The following LGR5 variants were observed in gnomAD, a reference collection of about 807,000 sequenced individuals.
LGR5 encodes the protein leucine rich repeat containing G protein-coupled receptor 5.
Under a neutral mutation model 76.7 loss-of-function variants are expected in LGR5, and 54 were observed. That is an observed-to-expected ratio of 0.70 (90% CI 0.57 to 0.88). LGR5 has a LOEUF of 0.88. Among genes scored for constraint, LGR5 ranks in the 40% least tolerant of loss-of-function variants. The pLI, the probability that LGR5 is intolerant of heterozygous loss-of-function variation, is 0.00. For synonymous variants in LGR5, 406 were observed against 421.9 expected (o/e 0.96, Z 0.46); for missense variants, 1,078 against 1,073.3 (o/e 1.00, Z -0.06).
Position 71,440,104 on chromosome 12 carries a change from G to C in LGR5, c.24G>C (p.Val8=). The part of the protein sequence containing the change: MDTSRLG[V]LLSLPVLLQL... Reference sequence around the variant, plus strand: ...CCATGGACACCTCCCGGCTCGGTGTGCTCCTGTCCTTGCCTGTGCTGCTGC... The same window carrying C: ...CCATGGACACCTCCCGGCTCGGTGTCCTCCTGTCCTTGCCTGTGCTGCTGC... The change falls in exon 1 of 18, where the codon GTG becomes GTC. Residue 8 remains valine (V), a synonymous_variant. Transcript: ENST00000266674. This position sits in a 1 kb window ranked among gnomAD's most constrained non-coding sequence, Gnocchi z 5.3. 1 of 1,605,464 alleles carries C rather than the reference G, an allele frequency of 6.2e-7. No individual in the cohort carries two copies. Among genetic ancestry groups the C allele is most frequent in the Non-Finnish European group, 8.5e-7 (1 of 1,179,892 alleles).
At chr12:71,543,952 A>T (rs1224285299) in intron 4 of LGR5, among the ~76,000 whole-genome samples, 2 of 152,236 alleles carry the variant, frequency 1.3e-5, no homozygotes, top group African/African-American at 2.4e-5. Flanking sequence ...TTTTCTATGA[A>T]GAAAAATAAA....
intron 4 of LGR5, among the ~76,000 whole-genome samples, chr12:71,536,030 T>G (rs1876567740): frequency 6.6e-6 from 1 of 152,218 alleles, no homozygotes; most frequent in Non-Finnish European, 1.5e-5. Context: ...CCCATTAGAA[T>G]GTATAAGTGT....
At chr12:71,515,967 G>T (rs1457702700) in intron 2 of LGR5, among the ~76,000 whole-genome samples, 8 of 152,142 alleles carry the variant, frequency 5.3e-5, no homozygotes, top group Admixed American at 4.6e-4. Context: ...AAACCTTTTG[G>T]AGCTTTGGTG....
chr12:71,484,639 T>C (rs992239048), intron 1 of LGR5, among the ~76,000 whole-genome samples: 2 of 150,558 alleles, frequency 1.3e-5, no homozygotes, highest in Admixed American at 6.6e-5. Context: ...TTTGCTGTCA[T>C]TATTGTTTTC....
At chr12:71,466,723 A>G (rs972238213) in intron 1 of LGR5, among the ~76,000 whole-genome samples, 2 of 152,060 alleles carry the variant, frequency 1.3e-5, no homozygotes, top group South Asian at 2.1e-4. Flanking sequence ...ATTATAAAGA[A>G]TTGAAAACTT....
At chr12:71,485,587 AG>A (rs995317284) in intron 1 of LGR5, among the ~76,000 whole-genome samples, 7 of 151,942 alleles carry the variant, frequency 4.6e-5, no homozygotes, top group African/African-American at 1.7e-4. Context: ...AAAATTAGCC[AG>A]GTGTGGTGGC....
rs35925617 is a variant in LGR5 at position 71,554,081 on chromosome 12, C to CA, written c.644+802dup. Among the ~76,000 whole-genome samples the CA allele has an allele frequency of 8.0e-5, 12 of 149,280 alleles. No individual in the cohort carries two copies. The South Asian group carries it at 1.1e-3, about 13-fold the overall frequency. ...TGGGGAAGAGAGTGAGACTCTGTCT[C>CA]AAAAAAAAAGAAAAAATAGTTTAGC... On this transcript the variant is annotated intron_variant, in intron 5 of 17. Coordinates refer to ENST00000266674, the MANE Select transcript of LGR5 (RefSeq NM_003667.4).
chr12:71,574,847 G>T (rs182993993), intron 13 of LGR5, among the ~76,000 whole-genome samples: 12 of 152,186 alleles, frequency 7.9e-5, no homozygotes, highest in Admixed American at 7.9e-4. Flanking sequence ...ACTCAGATGC[G>T]CTTTGCACAT....
chr12:71,522,857 C>T (rs1412287628), intron 2 of LGR5, among the ~76,000 whole-genome samples: 1 of 152,126 alleles, frequency 6.6e-6, no homozygotes, highest in Admixed American at 6.5e-5. Flanking sequence ...CTTAACATTT[C>T]TTGTAATCAG....
intron 2 of LGR5, among the ~76,000 whole-genome samples, chr12:71,507,866 A>G (rs937386285): frequency 6.6e-6 from 1 of 152,040 alleles, no homozygotes; most frequent in Admixed American, 6.6e-5. Context: ...GTTAAATAGG[A>G]AACTGCCACT....
intron 1 of LGR5, among the ~76,000 whole-genome samples, chr12:71,491,686 C>T (rs751802015): frequency 4.0e-5 from 6 of 150,848 alleles, no homozygotes; most frequent in Non-Finnish European, 5.9e-5. Flanking sequence ...ACCCCTGTGG[C>T]ATTACAGTCC....
chr12:71,439,977 G>T lies in LGR5; in HGVS notation c.-104G>T. 1 of 1,047,768 alleles carries T rather than the reference G, an allele frequency of 9.5e-7. No individual in the cohort carries two copies. The highest frequency in any genetic ancestry group is 2.7e-5 in the East Asian group (1 of 37,506). 64.9% of individuals were successfully genotyped at this position (1,047,768 alleles called of 1,614,324 possible). A position where few individuals can be genotyped will look rare whatever the true frequency, so the allele number is the denominator to read the frequency against. ...GCGTCTGGCGCTGCAGACGCCCGCT[G>T]AGTTGCAGAAGCCCACGGAGCGGCG... On this transcript the variant is annotated 5_prime_UTR_variant, in exon 1 of 18. Transcript: ENST00000266674.
intron 1 of LGR5, among the ~76,000 whole-genome samples, chr12:71,460,933 T>C (rs1399994257): frequency 6.6e-6 from 1 of 152,198 alleles, no homozygotes; most frequent in Admixed American, 6.5e-5. Flanking sequence ...GCTGTTATCT[T>C]GAAACTCAAT....
chr12:71,546,352 A>G (rs559808734), intron 4 of LGR5, among the ~76,000 whole-genome samples: 7 of 151,670 alleles, frequency 4.6e-5, no homozygotes, highest in African/African-American at 1.7e-4. Flanking sequence ...TTTGCCTGTT[A>G]CCTTCTAGCT....
chr12:71,582,408 T>G (rs1879129471), intron 16 of LGR5, 48 bp from the exon 17 acceptor site: 2 of 1,520,272 alleles, frequency 1.3e-6, no homozygotes, highest in Non-Finnish European at 1.8e-6. Flanking sequence ...ATTTGGTCCC[T>G]TGAAAAGAGA....
At chr12:71,572,247 T>C (rs1878644921) in intron 12 of LGR5, among the ~76,000 whole-genome samples, 1 of 152,144 alleles carries the variant, frequency 6.6e-6, no homozygotes, top group Non-Finnish European at 1.5e-5. Flanking sequence ...CATGCCTGGC[T>C]AATTTTTTGC....
chr12:71,491,517 G>A (rs558947720), intron 1 of LGR5, among the ~76,000 whole-genome samples: 85 of 152,004 alleles, frequency 5.6e-4, no homozygotes, highest in Admixed American at 1.4e-3. Context: ...TAAGGTAATG[G>A]TTATAAGAAA....
intron 2 of LGR5, among the ~76,000 whole-genome samples, chr12:71,521,332 G>A (rs1287849750): frequency 6.6e-6 from 1 of 152,138 alleles, no homozygotes; most frequent in Non-Finnish European, 1.5e-5. Context: ...ATCCTGATTC[G>A]ATTATTCATC....
intron 2 of LGR5, among the ~76,000 whole-genome samples, chr12:71,512,911 G>T (rs774610064): frequency 6.6e-6 from 1 of 152,232 alleles, no homozygotes; most frequent in Non-Finnish European, 1.5e-5. Flanking sequence ...GGTTTACAAA[G>T]AGGTGATGGT....
Sources: allele counts gnomAD v4.1 joint callset (sites outside exome capture counted in the v4.1 genomes callset), GRCh38; gene constraint gnomAD v4.1.1; non-coding constraint Gnocchi (gnomAD v3.1); transcripts MANE v1.5; gene names NCBI Gene and HGNC (gene_info 2026-07-23, HGNC 2026-07-21).